Variants in NLRC4 observed in about 807,000 individuals in gnomAD.
NLRC4 encodes NLR family CARD domain-containing protein 4.
NLRC4 carries 63 observed loss-of-function variants against 79.9 expected under a neutral mutation model. The observed-to-expected ratio is 0.79, with a 90% confidence interval of 0.64 to 0.97. The LOEUF (loss-of-function observed/expected upper bound fraction) is 0.97, where lower values mean the gene tolerates loss of function less well. Among genes scored for constraint, NLRC4 ranks in the 50% least tolerant of loss-of-function variants. The probability of loss-of-function intolerance (pLI) is 0.00; values close to 1 mark genes in which losing one functional copy is unlikely to be tolerated. For synonymous variants in NLRC4, 461 were observed against 456.5 expected, an observed-to-expected ratio of 1.01 and a Z score of -0.12; for missense variants, 1,074 against 1,215.2, an observed-to-expected ratio of 0.88 and a Z score of 1.73.
chr2:32,246,905 A>G (rs1024874408), intron 4 of NLRC4, among the ~76,000 whole-genome samples: 3 of 152,170 alleles, frequency 2.0e-5, no homozygotes, highest in Non-Finnish European at 2.9e-5. Context: ...CCTCTGGAGT[A>G]TCTGGGATTA....
chr2:32,260,815 C>T (rs139945771), intron 1 of NLRC4, among the ~76,000 whole-genome samples: 4 of 152,256 alleles, frequency 2.6e-5, no homozygotes, highest in African/African-American at 7.2e-5. Flanking sequence ...CTTCTTCGTG[C>T]GCTATGCAAA....
In NLRC4 at chr2:32,235,288, T is replaced by G. The variant is rs141439640; in HGVS notation, c.2782+113A>C. The G allele has an allele frequency of 6.7e-6, 5 of 751,072 alleles. No homozygotes were observed. In the African/African-American group the frequency reaches 8.8e-5, roughly 13 times the overall value. The allele number at this position is 751,072 out of a possible 1,614,324, so 46.5% of individuals were successfully genotyped here. A position where few individuals can be genotyped will look rare whatever the true frequency, so the allele number is the denominator to read the frequency against. On this transcript the variant is annotated intron_variant, in intron 8 of 8. Coordinates refer to ENST00000402280, the MANE Select transcript of NLRC4 (RefSeq NM_001199138.2). The stretch of plus-strand genomic sequence containing the variant: ...AATGAATTCATTAGACATATTTATA[T>G]TTTAAAAAAAAGAGGAAGCAAAATA...
rs889372709 is a variant in NLRC4, at chr2:32,252,814, C to G, written c.2-135G>C. The G allele has an allele frequency of 1.9e-4, 121 of 650,620 alleles. No homozygotes were observed. The East Asian group carries it at 3.3e-3, about 18-fold the overall frequency. The allele number at this position is 650,620 out of a possible 1,614,324, so 40.3% of individuals were successfully genotyped here. A position where few individuals can be genotyped will look rare whatever the true frequency, so the allele number is the denominator to read the frequency against. On this transcript the variant is annotated intron_variant, in intron 2 of 8. Transcript: ENST00000402280. ...CGGGCAGATCACGAGGTCAGGAGAT[C>G]GAGACCATCCTGGCTAACACAGTGA...
chr2:32,261,315 C>CTTTTTTTTTTT (rs1558464069), intron 1 of NLRC4, among the ~76,000 whole-genome samples: 1 of 81,508 alleles, frequency 1.2e-5, no homozygotes, highest in African/African-American at 4.8e-5. Flanking sequence ...AAGCCTCCCC[C>CTTTTTTTTTTT]CTTTTGTTTT....
intron 8 of NLRC4, among the ~76,000 whole-genome samples, chr2:32,229,627 A>G (rs1686485206): frequency 6.6e-6 from 1 of 152,248 alleles, no homozygotes; most frequent in South Asian, 2.1e-4. Flanking sequence ...GAGGAAGAAC[A>G]GCAGATAGTC....
At chr2:32,243,278 C>T (rs1237417497) in intron 4 of NLRC4, among the ~76,000 whole-genome samples, 1 of 150,632 alleles carries the variant, frequency 6.6e-6, no homozygotes, top group Non-Finnish European at 1.5e-5. Flanking sequence ...GGTGTAGTGG[C>T]AGGCGCCTGT....
intron 2 of NLRC4, among the ~76,000 whole-genome samples, chr2:32,255,785 C>T (rs375234621): frequency 6.3e-4 from 96 of 152,112 alleles, no homozygotes; most frequent in African/African-American, 2.1e-3. Flanking sequence ...GAGGCCGAGG[C>T]GGGTGGATCA....
intron 4 of NLRC4, among the ~76,000 whole-genome samples, chr2:32,247,563 C>T (rs551311014): frequency 3.2e-4 from 48 of 151,598 alleles, no homozygotes; most frequent in Middle Eastern, 3.5e-3. Context: ...ACCCACCTGC[C>T]TCAGCCTTCC....
intron 8 of NLRC4, among the ~76,000 whole-genome samples, chr2:32,228,076 A>G (rs1376197585): frequency 6.6e-6 from 1 of 152,138 alleles, no homozygotes; most frequent in African/African-American, 2.4e-5. Flanking sequence ...TGTGCTGCGG[A>G]TTATGCTGGG....
Position 32,235,564 on chromosome 2 carries a change from G to T in NLRC4, c.2619C>A (p.Asp873Glu), listed in dbSNP as rs768231950. Residue 873 changes from aspartate (D) to glutamate (E), a missense_variant, in exon 8 of 9, where the codon GAC becomes GAA. Physicochemically the swap from Asp to Glu is conservative, Grantham distance 45. Coordinates refer to ENST00000402280, the MANE Select transcript of NLRC4 (RefSeq NM_001199138.2). The part of the protein sequence containing the change: ...DGNEALHELI[D>E]RMNVLEQLTA... ...TGAGCTGTTCTAGCACGTTCATCCTGTCGACTGGAAGAAACAAAGAGCAGT... is the reference window on the plus strand; with the variant it reads ...TGAGCTGTTCTAGCACGTTCATCCTTTCGACTGGAAGAAACAAAGAGCAGT... 6.2e-7 allele frequency: 1 copy of T among 1,612,962 alleles called. No homozygotes were observed. The highest frequency in any genetic ancestry group is 1.7e-5 in the Admixed American group (1 of 59,974).
At chr2:32,227,331 A>T (rs1195181243) in intron 8 of NLRC4, among the ~76,000 whole-genome samples, 1 of 152,202 alleles carries the variant, frequency 6.6e-6, no homozygotes, top group African/African-American at 2.4e-5. Context: ...AGCGTAGCCT[A>T]TGCCCAGCCC....
chr2:32,248,958 G>C (rs1474033112), intron 4 of NLRC4, among the ~76,000 whole-genome samples: 3 of 152,158 alleles, frequency 2.0e-5, no homozygotes, highest in African/African-American at 7.2e-5. Context: ...AGCTTTGATT[G>C]GAGAAGAGAG....
intron 6 of NLRC4, among the ~76,000 whole-genome samples, chr2:32,237,239 CTT>C (rs1027909028): frequency 2.0e-5 from 3 of 152,118 alleles, no homozygotes; most frequent in African/African-American, 2.4e-5. Flanking sequence ...AATATGTACT[CTT>C]GTTATAATAT....
At chr2:32,247,626 T>G (rs936252976) in intron 4 of NLRC4, among the ~76,000 whole-genome samples, 1 of 151,882 alleles carries the variant, frequency 6.6e-6, no homozygotes, top group Non-Finnish European at 1.5e-5. Flanking sequence ...TTAATAAAAA[T>G]AGTTTTAATA....
upstream of NLRC4, among the ~76,000 whole-genome samples, chr2:32,265,430 C>T (rs911866504): frequency 6.6e-6 from 1 of 152,242 alleles, no homozygotes; most frequent in Non-Finnish European, 1.5e-5. Context: ...ATCTGCCAGC[C>T]TCAGCCTCCC....
chr2:32,265,630 C>G (rs1028959169), upstream of NLRC4: 1 of 152,426 alleles, frequency 6.6e-6, no homozygotes, highest in Non-Finnish European at 1.5e-5. Context: ...GATGTGTTCT[C>G]TCAGTCAGCA....
In NLRC4 at chr2:32,238,157, C is replaced by G; in HGVS notation, c.2496G>C (p.Leu832Phe). The G allele has an allele frequency of 6.2e-7, 1 of 1,613,398 alleles. No individual in the cohort carries two copies. Among genetic ancestry groups the G allele is most frequent in the Non-Finnish European group, 8.5e-7 (1 of 1,179,832 alleles). The change falls in exon 6 of 9, where the codon TTG (leucine) becomes TTC (phenylalanine). Residue 832 changes from leucine to phenylalanine, a missense_variant. Leu to Phe is a conservative substitution (Grantham distance 22). Coordinates refer to ENST00000402280, the MANE Select transcript of NLRC4 (RefSeq NM_001199138.2). ...LEEIQLVSCCLSANAVKILAQ... is the reference protein window; with the variant it reads ...LEEIQLVSCCFSANAVKILAQ... ...CTAGGATTTTCACTGCATTTGCAGA[C>G]AAGCAGCAGGAGACTAATTGAATTT...
rs1318237137 is a variant in NLRC4 at position 32,250,953 on chromosome 2, C to T, written c.911G>A (p.Ser304Asn). 1.2e-6 allele frequency: 2 copies of T among 1,614,164 alleles called. No homozygotes were observed. Among genetic ancestry groups the T allele is most frequent in the Admixed American group, 1.7e-5 (1 of 60,024 alleles). ...TAEVGDMTED[S>N]AQALIREVLI... ...CACTTCTCGGATGAGAGCCTGGGCG[C>T]TGTCTTCTGTCATATCCCCCACCTC... The change falls in exon 4 of 9, where the codon AGC (serine) becomes AAC (asparagine). Residue 304 changes from serine to asparagine, a missense_variant. Ser to Asn is a conservative substitution (Grantham distance 46). Coordinates refer to ENST00000402280, the MANE Select transcript of NLRC4 (RefSeq NM_001199138.2). The surrounding 1 kb of genome is among the most constrained non-coding windows in gnomAD (Gnocchi z 4.9).
intron 3 of NLRC4, 122 bp downstream of exon 3, chr2:32,252,296 TC>T: frequency 1.4e-6 from 1 of 727,952 alleles, no homozygotes; most frequent in Non-Finnish European, 2.3e-6. Flanking sequence ...TTAGCAGGTA[TC>T]AAAGGCCACT....
Sources: gnomAD v4.1 joint callset for allele counts (sites outside exome capture counted in the v4.1 genomes callset) on GRCh38, gnomAD v4.1.1 for gene constraint, Gnocchi (gnomAD v3.1) non-coding constraint, MANE v1.5 for transcripts, NCBI Gene and HGNC (gene_info 2026-07-23, HGNC 2026-07-21) for gene names.